The following IL1RAP variants were observed in gnomAD, a reference collection of about 807,000 sequenced individuals.
The protein encoded by IL1RAP is interleukin 1 receptor accessory protein.
In IL1RAP, 35 loss-of-function variants were observed where a neutral mutation model predicts 60.7. That is an observed-to-expected ratio of 0.58 (90% confidence interval 0.44 to 0.76). The LOEUF (loss-of-function observed/expected upper bound fraction) is 0.76. Ranked by LOEUF, IL1RAP falls within the 30% of genes least tolerant of loss-of-function variation. The pLI is 0.00. For synonymous variants in IL1RAP, 268 were observed against 250.9 expected (o/e 1.07, Z -0.64); for missense variants, 572 against 693.9 (o/e 0.82, Z 1.97).
intron 1 of IL1RAP, among the ~76,000 whole-genome samples, chr3:190,545,054 C>T (rs925146199): frequency 6.6e-6 from 1 of 152,152 alleles, no homozygotes; most frequent in Non-Finnish European, 1.5e-5. Context: ...TGTATCCATC[C>T]TCTATTTACC....
At chr3:190,530,208 T>G (rs933292314) in intron 1 of IL1RAP, among the ~76,000 whole-genome samples, 6 of 152,142 alleles carry the variant, frequency 3.9e-5, no homozygotes, top group Non-Finnish European at 8.8e-5. Context: ...TGTGAATACA[T>G]CATCATTGAA....
chr3:190,619,357 G>A (rs78984379), intron 5 of IL1RAP, among the ~76,000 whole-genome samples: 3,620 of 152,254 alleles, frequency 0.024, 146 homozygotes, highest in African/African-American at 0.083. Context: ...TGAATTAGGA[G>A]CAGAAATACA....
At chr3:190,546,021 A>C (rs879805813) in intron 1 of IL1RAP, among the ~76,000 whole-genome samples, 47 of 152,108 alleles carry the variant, frequency 3.1e-4, no homozygotes, top group Non-Finnish European at 5.7e-4. Flanking sequence ...TGACCTATCG[A>C]TGCCTGTAGT....
At chr3:190,607,986 T>C (rs1459806048) in intron 4 of IL1RAP, among the ~76,000 whole-genome samples, 3 of 152,206 alleles carry the variant, frequency 2.0e-5, no homozygotes, top group Non-Finnish European at 4.4e-5. Flanking sequence ...TTTATGATCC[T>C]GAAAACATAG....
At position 190,648,691 on chromosome 3, in the gene IL1RAP, T is replaced by C. The variant is rs1478130316; in HGVS notation, c.1699T>C (p.Leu567=). The C allele has an allele frequency of 1.2e-6, 2 of 1,608,054 alleles. No homozygotes were observed. Among genetic ancestry groups the C allele is most frequent in the Non-Finnish European group, 1.7e-6 (2 of 1,178,080 alleles). ...SDEQGLSYSS[L]KNV is the part of the protein sequence containing the mutation. Reference sequence around the variant, plus strand: ...TGAGCAGGGCCTCTCGTATTCATCTTTGAAAAATGTATGAAAGGAATAATG... The same window carrying C: ...TGAGCAGGGCCTCTCGTATTCATCTCTGAAAAATGTATGAAAGGAATAATG... The change falls in exon 12 of 12, where the codon TTG becomes CTG. Residue 567 remains leucine (L), a synonymous_variant. Coordinates refer to ENST00000447382, the MANE Select transcript of IL1RAP (RefSeq NM_002182.4).
At chr3:190,543,631 A>C (rs1028224087) in intron 1 of IL1RAP, among the ~76,000 whole-genome samples, 2 of 152,184 alleles carry the variant, frequency 1.3e-5, no homozygotes, top group South Asian at 4.1e-4. Context: ...GTATGTGTAC[A>C]CTTGGAGAGG....
At chr3:190,514,536 C>A (rs1185987228) in intron 1 of IL1RAP, among the ~76,000 whole-genome samples, 1 of 150,606 alleles carries the variant, frequency 6.6e-6, no homozygotes, top group Admixed American at 6.6e-5. Flanking sequence ...GCCCCCTCCC[C>A]GCTACCACCC....
chr3:190,650,192 T>A lies in IL1RAP; in HGVS notation c.*1487T>A, dbSNP rs889939762. 29 of 984,372 alleles carry A rather than the reference T, an allele frequency of 2.9e-5. No individual in the cohort carries two copies. The highest frequency in any genetic ancestry group is 4.7e-5 in the South Asian group (1 of 21,262). The allele number at this position is 984,372 out of a possible 1,614,324, so 61.0% of individuals were successfully genotyped here. On this transcript the variant is annotated 3_prime_UTR_variant, in exon 12 of 12. Coordinates refer to ENST00000447382, the MANE Select transcript of IL1RAP (RefSeq NM_002182.4). ...TTATGTTTTTACTGGAATGTTTTTG[T>A]GTCAGTGTTTTCTGTACATATTATT...
intron 1 of IL1RAP, among the ~76,000 whole-genome samples, chr3:190,529,329 G>T (rs960249227): frequency 6.6e-5 from 10 of 152,088 alleles, no homozygotes; most frequent in Non-Finnish European, 1.5e-4. Context: ...ATGAAGTCAG[G>T]AGTTCGAGAC....
At chr3:190,540,740 T>A (rs138647541) in intron 1 of IL1RAP, among the ~76,000 whole-genome samples, 87 of 152,202 alleles carry the variant, frequency 5.7e-4, no homozygotes, top group African/African-American at 2.0e-3. Flanking sequence ...AAATTCTCTC[T>A]ATAAAAGTAA....
chr3:190,589,849 A>C (rs1487999319), intron 3 of IL1RAP, among the ~76,000 whole-genome samples: 1 of 152,188 alleles, frequency 6.6e-6, no homozygotes, highest in African/African-American at 2.4e-5. Flanking sequence ...CATGCTGTTG[A>C]GTGGAAAGGT....
At chr3:190,554,674 T>C (rs911973111) in intron 1 of IL1RAP, 4 of 152,234 alleles carry the variant, frequency 2.6e-5, no homozygotes, top group Non-Finnish European at 5.9e-5. Context: ...ATAATTTTCA[T>C]CTCGGATTTT....
downstream of IL1RAP, chr3:190,656,423 G>A (rs1423795040): frequency 7.8e-6 from 12 of 1,537,104 alleles, no homozygotes. Context: ...AGGAACAAGA[G>A]CCGGGCAGAG....
At chr3:190,647,235 C>G (rs1734078700) in intron 11 of IL1RAP, among the ~76,000 whole-genome samples, 1 of 152,142 alleles carries the variant, frequency 6.6e-6, no homozygotes, top group African/African-American at 2.4e-5. Context: ...CTGGATTCTC[C>G]CCCAGGCTGT....
chr3:190,553,871 T>C (rs899209988), intron 1 of IL1RAP, among the ~76,000 whole-genome samples: 9 of 151,332 alleles, frequency 5.9e-5, no homozygotes, highest in Non-Finnish European at 8.9e-5. Flanking sequence ...CCATCCCGGC[T>C]AAAAACGGTG....
chr3:190,593,351 T>C (rs1000116308), intron 3 of IL1RAP, among the ~76,000 whole-genome samples: 2 of 152,216 alleles, frequency 1.3e-5, no homozygotes, highest in Non-Finnish European at 2.9e-5. Flanking sequence ...GACTTCTTGC[T>C]CTCCTCTTGA....
intron 7 of IL1RAP, among the ~76,000 whole-genome samples, chr3:190,625,488 G>T (rs569135561): frequency 6.6e-6 from 1 of 152,238 alleles, no homozygotes; most frequent in East Asian, 1.9e-4. Flanking sequence ...AATTAAAAGA[G>T]TTCAGGGACT....
At chr3:190,532,411 C>T (rs953243157) in intron 1 of IL1RAP, among the ~76,000 whole-genome samples, 3 of 151,856 alleles carry the variant, frequency 2.0e-5, no homozygotes, top group African/African-American at 7.3e-5. Context: ...TACAGGTGCC[C>T]GCCACCACGC....
Position 190,649,535 on chromosome 3 carries a change from G to A in IL1RAP, c.*830G>A. On this transcript the variant is annotated 3_prime_UTR_variant, in exon 12 of 12. Transcript: ENST00000447382. ...TCCTAATGGTGCTATAGAGAGGGAG[G>A]TAACAGAAAGACTCTTTTAGGGCAT... 1.0e-6 allele frequency: 1 copy of A among 985,734 alleles called. No individual in the cohort carries two copies. Among genetic ancestry groups the A allele is most frequent in the African/African-American group, 1.7e-5 (1 of 57,306 alleles). 61.1% of individuals were successfully genotyped at this position (985,734 alleles called of 1,614,324 possible).
Sources: gnomAD v4.1 joint callset for allele counts (sites outside exome capture counted in the v4.1 genomes callset) on GRCh38, gnomAD v4.1.1 for gene constraint, MANE v1.5 for transcripts, NCBI Gene and HGNC (gene_info 2026-07-23, HGNC 2026-07-21) for gene names.